DISC1: variants seen among roughly 807,000 people sequenced by gnomAD.
The protein encoded by DISC1 is DISC1 scaffold protein.
Under a neutral mutation model 84.5 loss-of-function variants are expected in DISC1, and 57 were observed. The ratio of observed to expected loss-of-function variants is 0.67; its 90% CI spans 0.55 to 0.84. The LOEUF is 0.84. Among genes scored for constraint, DISC1 ranks in the 40% least tolerant of loss-of-function variants. DISC1 has a pLI of 0.00. For synonymous variants in DISC1, 411 were observed against 415.2 expected (o/e 0.99, Z 0.12); for missense variants, 1,000 against 1,057.8 (o/e 0.95, Z 0.76).
chr1:231,721,008 G>C, intron 3 of DISC1: 4 of 1,290,966 alleles, frequency 3.1e-6, no homozygotes, highest in Non-Finnish European at 4.0e-6. Flanking sequence ...TACGGATCAT[G>C]AAAATTGACA....
In DISC1 at chr1:231,824,174, G is replaced by A. The variant is rs182454246; in HGVS notation, c.1981+5657G>A. Among the ~76,000 whole-genome samples, 274 of 152,228 alleles carry A rather than the reference G, an allele frequency of 1.8e-3. 1 individual carries two copies. Among genetic ancestry groups the A allele is most frequent in the African/African-American group, 6.3e-3 (263 of 41,524 alleles). On this transcript the variant is annotated intron_variant, in intron 9 of 12. Transcript: ENST00000439617. ...AAAACTTAGCTCTCCGGGCCAGAAC[G>A]GTGATAGTGCTCTTGATAACAGAGG...
intron 9 of DISC1, among the ~76,000 whole-genome samples, chr1:231,824,869 C>T (rs2081744518): frequency 7.1e-6 from 1 of 140,172 alleles, no homozygotes; most frequent in African/African-American, 2.6e-5. Flanking sequence ...CTTGAAGTTG[C>T]ATTTCTATCC....
chr1:231,993,267 T>G (rs893671052), intron 10 of DISC1, among the ~76,000 whole-genome samples: 1 of 151,894 alleles, frequency 6.6e-6, no homozygotes. Context: ...AGGGGTGCAA[T>G]GAATGAGTCC....
rs540155691 is a variant in DISC1 at position 231,761,913 on chromosome 1, G to A, written c.1269-5227G>A. Among the ~76,000 whole-genome samples the A allele has an allele frequency of 2.2e-5, 3 of 133,744 alleles. No homozygotes were observed. The South Asian group carries it at 8.1e-4, about 36-fold the overall frequency. 87.7% of individuals were successfully genotyped at this position (133,744 alleles called of 152,430 possible). The stretch of plus-strand genomic sequence containing the variant: ...GATGAGCTCAGTCCCTTCCCTCCAG[G>A]TTCACAGTCAGGAACGAGTAACTGC... On this transcript the variant is annotated intron_variant, in intron 4 of 12. Coordinates refer to ENST00000439617, the MANE Select transcript of DISC1 (RefSeq NM_018662.3).
chr1:231,871,932 C>T (rs376932424), intron 9 of DISC1, among the ~76,000 whole-genome samples: 119 of 152,298 alleles, frequency 7.8e-4, no homozygotes, highest in African/African-American at 2.6e-3. Context: ...GGACTGTGTG[C>T]GCTAGATTCA....
At chr1:231,959,531 T>C (rs965387813) in intron 10 of DISC1, 1 of 983,150 alleles carries the variant, frequency 1.0e-6, no homozygotes. Context: ...TTTAGTTTTA[T>C]GGAGACCATT....
chr1:231,970,131 G>C (rs547335647), intron 10 of DISC1, among the ~76,000 whole-genome samples: 2 of 152,194 alleles, frequency 1.3e-5, no homozygotes, highest in African/African-American at 4.8e-5. Flanking sequence ...GAGATGGCTG[G>C]GTCAAATGGT....
At chr1:231,968,218 A>C (rs983750129) in intron 10 of DISC1, among the ~76,000 whole-genome samples, 2 of 152,218 alleles carry the variant, frequency 1.3e-5, no homozygotes, top group African/African-American at 4.8e-5. Context: ...AGATCAATTC[A>C]AAAAATCTGC....
intron 6 of DISC1, among the ~76,000 whole-genome samples, chr1:231,787,272 A>T (rs2077953588): frequency 6.6e-6 from 1 of 151,946 alleles, no homozygotes; most frequent in Non-Finnish European, 1.5e-5. Flanking sequence ...AAGAGAGGAG[A>T]TTTATTTCTT....
At chr1:232,026,903 C>A (rs1382193235) in intron 12 of DISC1, among the ~76,000 whole-genome samples, 2 of 151,726 alleles carry the variant, frequency 1.3e-5, no homozygotes, top group Non-Finnish European at 2.9e-5. Flanking sequence ...TGCCCGCCAG[C>A]ACGCCCAGCT....
chr1:231,929,397 C>A (rs772557310), intron 9 of DISC1, among the ~76,000 whole-genome samples: 1 of 152,196 alleles, frequency 6.6e-6, no homozygotes, highest in Non-Finnish European at 1.5e-5. Flanking sequence ...TCACAATACA[C>A]AATCTCACAG....
intron 3 of DISC1, among the ~76,000 whole-genome samples, chr1:231,711,755 C>T (rs1166127307): frequency 6.6e-6 from 1 of 152,132 alleles, no homozygotes; most frequent in Non-Finnish European, 1.5e-5. Flanking sequence ...CCAGAGGTGG[C>T]AAGAGTGATC....
intron 3 of DISC1, among the ~76,000 whole-genome samples, chr1:231,715,322 A>G (rs1267159616): frequency 6.6e-6 from 1 of 152,226 alleles, no homozygotes; most frequent in Non-Finnish European, 1.5e-5. Flanking sequence ...ATATGAATTT[A>G]AAAATGAGGG....
At chr1:231,726,545 C>G (rs142639155) in intron 3 of DISC1, among the ~76,000 whole-genome samples, 2 of 152,138 alleles carry the variant, frequency 1.3e-5, no homozygotes, top group African/African-American at 2.4e-5. Context: ...GTGAAAGCAG[C>G]GGGGCAACAG....
At chr1:231,885,257 G>A (rs1034434135) in intron 9 of DISC1, among the ~76,000 whole-genome samples, 3 of 152,212 alleles carry the variant, frequency 2.0e-5, no homozygotes, top group East Asian at 3.8e-4. Context: ...GAAAATATCT[G>A]ATAAGGTTGT....
At chr1:231,708,567 C>T (rs1199788569) in intron 3 of DISC1, among the ~76,000 whole-genome samples, 1 of 152,204 alleles carries the variant, frequency 6.6e-6, no homozygotes, top group Non-Finnish European at 1.5e-5. Context: ...CATTCTCATT[C>T]GTTGCCTGAT....
Position 231,698,595 on chromosome 1 carries a change from G to A in DISC1, c.1048-3360G>A, listed in dbSNP as rs1029673893. On this transcript the variant is annotated intron_variant, in intron 2 of 12. Transcript: ENST00000439617. The surrounding 1 kb of genome is among the most constrained non-coding windows in gnomAD (Gnocchi z 4.9). ...AGACGGGTATTCAGACATATCTCAGGGCAGTCCATTCAGGGCCTTATAGAG... is the reference window on the plus strand; with the variant it reads ...AGACGGGTATTCAGACATATCTCAGAGCAGTCCATTCAGGGCCTTATAGAG... 1.3e-5 allele frequency among the ~76,000 whole-genome samples: 2 copies of A among 151,602 alleles called. No homozygotes were observed. Among genetic ancestry groups the A allele is most frequent in the African/African-American group, 2.4e-5 (1 of 41,426 alleles).
intron 9 of DISC1, among the ~76,000 whole-genome samples, chr1:231,825,645 T>C (rs1043469028): frequency 2.0e-5 from 3 of 152,196 alleles, no homozygotes; most frequent in Non-Finnish European, 2.9e-5. Context: ...TCCCTGGTCA[T>C]TGCCTGCATC....
At chr1:231,773,606 A>G (rs555210821) in intron 6 of DISC1, among the ~76,000 whole-genome samples, 177 of 152,108 alleles carry the variant, frequency 1.2e-3, no homozygotes, top group African/African-American at 3.2e-3. Flanking sequence ...GGATGGTCTT[A>G]ATTTCCTGAC....
Sources: allele counts gnomAD v4.1 joint callset (sites outside exome capture counted in the v4.1 genomes callset), GRCh38; gene constraint gnomAD v4.1.1; non-coding constraint Gnocchi (gnomAD v3.1); transcripts MANE v1.5; gene names NCBI Gene and HGNC (gene_info 2026-07-23, HGNC 2026-07-21).